VWF: variants seen among roughly 807,000 people sequenced by gnomAD.
The protein encoded by VWF is von Willebrand factor.
Under a neutral mutation model 308.6 loss-of-function variants are expected in VWF, and 176 were observed. The observed-to-expected ratio is 0.57, with a 90% CI of 0.50 to 0.65. The LOEUF is 0.65. Ranked by LOEUF, VWF falls within the 30% of genes least tolerant of loss-of-function variation. The pLI is 0.00. For missense variants in VWF, 3,146 were observed against 3,648.2 expected, an observed-to-expected ratio of 0.86 and a Z score of 3.55; for synonymous variants, 1,385 against 1,443.4, an observed-to-expected ratio of 0.96 and a Z score of 0.92.
rs761973219 is a variant in VWF at position 6,063,054 on chromosome 12, C to T, written c.1433G>A (p.Gly478Asp). The T allele has an allele frequency of 4.5e-5, 73 of 1,612,896 alleles. 1 individual carries two copies. In the Middle Eastern group the frequency reaches 8.2e-4, roughly 18 times the overall value. ...CACTGTATGCTGGATGCGGAGGTCA[C>T]CTGGAACCCAGCAGGACAGGACTCA... ...GQDVQLPLLK[G>D]DLRIQHTVTA... The change falls in exon 13 of 52, where the codon GGT becomes GAT. Residue 478 changes from glycine to aspartate, a missense_variant and splice_region_variant. By Grantham distance (94) the Gly-to-Asp change is moderately conservative (BLOSUM62 -1). Around this residue, in one of 3 missense-constraint regions of VWF, gnomAD observed 1,304 missense variants for 1,353.0 expected, o/e 0.96. Coordinates refer to ENST00000261405, the MANE Select transcript of VWF (RefSeq NM_000552.5). This position sits in a 1 kb window ranked among gnomAD's most constrained non-coding sequence, Gnocchi z 4.9.
intron 6 of VWF, among the ~76,000 whole-genome samples, chr12:6,095,094 G>T (rs530524371): frequency 6.6e-6 from 1 of 151,914 alleles, no homozygotes; most frequent in Non-Finnish European, 1.5e-5. Flanking sequence ...CACAGGACCC[G>T]GCTTCAGGTC....
In VWF at chr12:6,026,029, C is replaced by G. The variant is rs775320140; in HGVS notation, c.2985G>C (p.Leu995=). The change falls in exon 23 of 52, where the codon CTG becomes CTC. Residue 995 remains leucine (L), a synonymous_variant. Coordinates refer to ENST00000261405, the MANE Select transcript of VWF (RefSeq NM_000552.5). ...KQTYQEKVCG[L]CGNFDGIQNN... The stretch of plus-strand genomic sequence containing the variant: ...TCTGGATGCCATCAAAATTCCCACA[C>G]AGGCCACACACTTTCTCCTTGAGAG... The G allele has an allele frequency of 5.0e-6, 8 of 1,613,994 alleles. No individual in the cohort carries two copies. Among genetic ancestry groups the G allele is most frequent in the South Asian group, 1.1e-5 (1 of 91,080 alleles).
rs111296335 is a variant in VWF, at chr12:6,058,960, G to A, written c.1534-916C>T. On this transcript the variant is annotated intron_variant, in intron 13 of 51. Coordinates refer to ENST00000261405, the MANE Select transcript of VWF (RefSeq NM_000552.5). This position sits in a 1 kb window ranked among gnomAD's most constrained non-coding sequence, Gnocchi z 4.9. ...ACCCAGGAGTCCTGACTCCCTCTCC[G>A]CATGTCATTACCAAGGTGGGATGAC... 2.7e-3 allele frequency among the ~76,000 whole-genome samples: 412 copies of A among 152,216 alleles called. 8 individuals carry two copies. The highest frequency in any genetic ancestry group is 0.023 in the Admixed American group (357 of 15,286).
At position 6,063,710 on chromosome 12, in the gene VWF, A is replaced by C. The variant is rs139985053; in HGVS notation, c.1432+536T>G. ...AGCCACTTTGAGTGTGAAGTTTGGG[A>C]GCTTTACCATGCAAAAGCAGGTTTG... On this transcript the variant is annotated intron_variant, in intron 12 of 51. Coordinates refer to ENST00000261405, the MANE Select transcript of VWF (RefSeq NM_000552.5). The surrounding 1 kb of genome is among the most constrained non-coding windows in gnomAD (Gnocchi z 4.9). Among the ~76,000 whole-genome samples, 175 of 152,252 alleles carry C rather than the reference A, an allele frequency of 1.1e-3. No individual in the cohort carries two copies. Among genetic ancestry groups the C allele is most frequent in the African/African-American group, 4.2e-3 (173 of 41,530 alleles).
chr12:5,971,838 T>C, intron 43 of VWF, 129 bp from the exon 44 acceptor site: 6 of 820,676 alleles, frequency 7.3e-6, no homozygotes, highest in Non-Finnish European at 1.0e-5. Flanking sequence ...TTTTCATCTT[T>C]GTTGTCAACC....
In VWF at chr12:5,975,941, G is replaced by A. The variant is rs140360126; in HGVS notation, c.7437+170C>T. ...CTTTCTTGCCCTTCCTCGTGAACCCGGGAGGCAGAGCTTGCAGTGAGCCGA... is the reference window on the plus strand; with the variant it reads ...CTTTCTTGCCCTTCCTCGTGAACCCAGGAGGCAGAGCTTGCAGTGAGCCGA... On this transcript the variant is annotated intron_variant, in intron 43 of 51. Transcript: ENST00000261405. 1.9e-3 allele frequency among the ~76,000 whole-genome samples: 289 copies of A among 152,170 alleles called. 1 individual carries two copies. The highest frequency in any genetic ancestry group is 6.7e-3 in the African/African-American group (279 of 41,520).
chr12:6,110,293 G>A lies in VWF; in HGVS notation c.532+81C>T, dbSNP rs549769180. 3.1e-4 allele frequency: 441 copies of A among 1,438,112 alleles called. 7 individuals are homozygous for A. The South Asian group carries it at 4.5e-3, about 15-fold the overall frequency. 89.1% of individuals were successfully genotyped at this position (1,438,112 alleles called of 1,614,324 possible). A position where few individuals can be genotyped will look rare whatever the true frequency, so the allele number is the denominator to read the frequency against. ...ACAGTGAGGCTTGAATGCCAGGGAA[G>A]GCATGTTAGTGAAGGTTTATGAGCA... On this transcript the variant is annotated intron_variant, in intron 5 of 51. Coordinates refer to ENST00000261405, the MANE Select transcript of VWF (RefSeq NM_000552.5).
intron 6 of VWF, among the ~76,000 whole-genome samples, chr12:6,091,626 C>T (rs1273966567): frequency 1.3e-5 from 2 of 152,110 alleles, no homozygotes; most frequent in African/African-American, 2.4e-5. Context: ...TCACTGCAGC[C>T]TCTACCTCCT....
intron 34 of VWF, among the ~76,000 whole-genome samples, chr12:5,997,075 T>C (rs1478577360): frequency 1.3e-5 from 2 of 151,984 alleles, no homozygotes; most frequent in Admixed American, 6.6e-5. Context: ...CCCACTAACA[T>C]CCCTCACTCA....
chr12:5,974,278 G>T (rs116385354), intron 43 of VWF, among the ~76,000 whole-genome samples: 3,685 of 152,214 alleles, frequency 0.024, 152 homozygotes, highest in African/African-American at 0.083. Context: ...CGTCCCCTGA[G>T]ATTTTAAACC....
Position 6,016,137 on chromosome 12 carries a change from C to A in VWF, c.5407G>T (p.Val1803Phe). 6.2e-7 allele frequency: 1 copy of A among 1,614,170 alleles called. No homozygotes were observed. The highest frequency in any genetic ancestry group is 8.5e-7 in the Non-Finnish European group (1 of 1,180,048). The change falls in exon 31 of 52, where the codon GTC becomes TTC. Residue 1803 changes from valine (V) to phenylalanine (F), a missense_variant. This residue lies in a region of VWF where 853 missense variants were observed against 1,177.8 expected (regional missense o/e 0.72). Coordinates refer to ENST00000261405, the MANE Select transcript of VWF (RefSeq NM_000552.5). ...GCTGCATCCACTGAATCCACAGAGACGTCCGTGACCAGGATGACCACCGCC... is the reference window on the plus strand; with the variant it reads ...GCTGCATCCACTGAATCCACAGAGAAGTCCGTGACCAGGATGACCACCGCC... The part of the protein sequence containing the change: ...SKAVVILVTD[V>F]SVDSVDAAAD...
rs1470927835 is a variant in VWF at position 6,060,660 on chromosome 12, G to C, written c.1533+2294C>G. ...CCATGGGGTCATCTGACCCTGTCCTGAACCTTGGCCAAGGAAACGTCTTCT... is the reference window on the plus strand; with the variant it reads ...CCATGGGGTCATCTGACCCTGTCCTCAACCTTGGCCAAGGAAACGTCTTCT... On this transcript the variant is annotated intron_variant, in intron 13 of 51. Transcript: ENST00000261405. This position sits in a 1 kb window ranked among gnomAD's most constrained non-coding sequence, Gnocchi z 5.1. Among the ~76,000 whole-genome samples the C allele has an allele frequency of 6.6e-6, 1 of 152,188 alleles. No individual in the cohort carries two copies. The highest frequency in any genetic ancestry group is 2.4e-5 in the African/African-American group (1 of 41,436).
intron 3 of VWF, among the ~76,000 whole-genome samples, chr12:6,118,214 G>A (rs1055342530): frequency 1.3e-5 from 2 of 152,036 alleles, no homozygotes; most frequent in African/African-American, 4.8e-5. Flanking sequence ...CATGAACTCT[G>A]TGCCTGGGAC....
chr12:6,008,928 A>C (rs143250206), intron 34 of VWF, among the ~76,000 whole-genome samples: 1,898 of 152,286 alleles, frequency 0.012, 43 homozygotes, highest in African/African-American at 0.041. Context: ...TATCATACAC[A>C]AAGTTAACCC....
chr12:6,008,969 C>A (rs1260686460), intron 34 of VWF, among the ~76,000 whole-genome samples: 1 of 152,070 alleles, frequency 6.6e-6, no homozygotes, highest in Non-Finnish European at 1.5e-5. Context: ...ATACGTAAAA[C>A]CTGAAATTAT....
chr12:6,092,334 C>T (rs1389753309), intron 6 of VWF, among the ~76,000 whole-genome samples: 4 of 151,672 alleles, frequency 2.6e-5, no homozygotes, highest in African/African-American at 9.7e-5. Context: ...ACTCCCTTCC[C>T]TTTTTGCGGG....
intron 5 of VWF, among the ~76,000 whole-genome samples, chr12:6,097,617 G>A (rs1022902125): frequency 2.6e-5 from 4 of 152,184 alleles, no homozygotes; most frequent in African/African-American, 9.7e-5. Flanking sequence ...CTTCCCGAGA[G>A]CTTCTGGAGG....
In VWF at chr12:6,024,861, A is replaced by G. The variant is rs1304017580; in HGVS notation, c.3222+719T>C. Among the ~76,000 whole-genome samples the G allele has an allele frequency of 1.3e-5, 2 of 152,182 alleles. No homozygotes were observed. Among genetic ancestry groups the G allele is most frequent in the African/African-American group, 2.4e-5 (1 of 41,438 alleles). ...AACATGGTGAAACCTTGACTCTACT[A>G]AAAATACAAAAATTAGCTGGGCGTG... On this transcript the variant is annotated intron_variant, in intron 24 of 51. Transcript: ENST00000261405. The surrounding 1 kb of genome is among the most constrained non-coding windows in gnomAD (Gnocchi z 4.0).
intron 34 of VWF, among the ~76,000 whole-genome samples, chr12:6,000,731 G>A (rs1943862425): frequency 6.8e-6 from 1 of 146,134 alleles, no homozygotes; most frequent in South Asian, 2.1e-4. Flanking sequence ...AGAATGGCGT[G>A]AACCTGGGAG....
Sources: gnomAD v4.1 joint callset for allele counts (sites outside exome capture counted in the v4.1 genomes callset) on GRCh38, gnomAD v4.1.1 for gene constraint, gnomAD v4.1.1 regional missense constraint, Gnocchi (gnomAD v3.1) non-coding constraint, MANE v1.5 for transcripts, NCBI Gene and HGNC (gene_info 2026-07-23, HGNC 2026-07-21) for gene names.